Variants in OLFM1 observed in about 807,000 individuals in gnomAD.
OLFM1 encodes noelin.
Under a neutral mutation model 49.7 loss-of-function variants are expected in OLFM1, and 9 were observed. That is an observed-to-expected ratio of 0.18 (90% CI 0.11 to 0.32). The LOEUF is 0.32. Among genes scored for constraint, OLFM1 ranks in the 10% least tolerant of loss-of-function variants. The pLI, the probability that OLFM1 is intolerant of heterozygous loss-of-function variation, is 1.00. For missense variants in OLFM1, 369 were observed against 661.8 expected, an observed-to-expected ratio of 0.56 and a Z score of 4.85; for synonymous variants, 240 against 271.8, an observed-to-expected ratio of 0.88 and a Z score of 1.15.
At chr9:135,076,018 C>A (rs1830460252) in intron 1 of OLFM1, 8 of 1,445,302 alleles carry the variant, frequency 5.5e-6, no homozygotes, top group South Asian at 1.5e-5. Flanking sequence ...TCCTCCAGCC[C>A]CGGCTCAGCA....
At chr9:135,091,854 G>GTC (rs1296937446) in intron 2 of OLFM1, among the ~76,000 whole-genome samples, 6 of 54,528 alleles carry the variant, frequency 1.1e-4, no homozygotes, top group Middle Eastern at 0.029. Flanking sequence ...CTCACACATA[G>GTC]TCACACACAC....
At chr9:135,115,468 C>T (rs1429874708) in intron 5 of OLFM1, among the ~76,000 whole-genome samples, 14 of 152,232 alleles carry the variant, frequency 9.2e-5, no homozygotes, top group Admixed American at 7.8e-4. Flanking sequence ...GGAAATGGGC[C>T]GTTTACCTGG....
rs1033215762 is a variant in OLFM1 at position 135,113,538 on chromosome 9, C to T, written c.784-5966C>T. Among the ~76,000 whole-genome samples, 3 of 152,186 alleles carry T rather than the reference C, an allele frequency of 2.0e-5. No homozygotes were observed. Among genetic ancestry groups the T allele is most frequent in the African/African-American group, 7.2e-5 (3 of 41,440 alleles). On this transcript the variant is annotated intron_variant, in intron 5 of 5. Transcript: ENST00000371793. This position sits in a 1 kb window ranked among gnomAD's most constrained non-coding sequence, Gnocchi z 4.0. The stretch of plus-strand genomic sequence containing the variant: ...GAGGCACAGAGAGGGGTGGAAACTC[C>T]CCAGGTCTCGCTGGAGACTGGCGGT...
intron 1 of OLFM1, chr9:135,076,971 G>T: frequency 3.2e-6 from 5 of 1,550,626 alleles, no homozygotes; most frequent in Non-Finnish European, 4.4e-6. Flanking sequence ...CAATCCAGCA[G>T]TGGGGTTATG....
chr9:135,084,241 A>G (rs664259), upstream of OLFM1, among the ~76,000 whole-genome samples: 63,555 of 152,052 alleles, frequency 0.42, 14,006 homozygotes, highest in Middle Eastern at 0.5. The surrounding 1 kb of genome is among the most constrained non-coding windows in gnomAD (Gnocchi z 4.6). Context: ...CAACGTAGAA[A>G]AAGGAGAGGT....
rs576642359 is a variant in OLFM1 at position 135,117,290 on chromosome 9, A to C, written c.784-2214A>C. Among the ~76,000 whole-genome samples the C allele has an allele frequency of 6.6e-6, 1 of 152,260 alleles. No homozygotes were observed. The highest frequency in any genetic ancestry group is 2.1e-4 in the South Asian group (1 of 4,812). ...TATCTTGGTTGCTTTCGACAACCAG[A>C]GGCTTCTTCAAAGCCCATATTCTTC... On this transcript the variant is annotated intron_variant, in intron 5 of 5. Coordinates refer to ENST00000371793, the MANE Select transcript of OLFM1 (RefSeq NM_001282611.2). This position sits in a 1 kb window ranked among gnomAD's most constrained non-coding sequence, Gnocchi z 5.5.
upstream of OLFM1, chr9:135,087,651 C>A (rs1830616269): frequency 2.7e-5 from 14 of 523,020 alleles, no homozygotes; most frequent in Non-Finnish European, 3.7e-5. Flanking sequence ...CCCCCGCGCG[C>A]AGCCCGCGCA....
chr9:135,085,029 A>T (rs1830580063), upstream of OLFM1, among the ~76,000 whole-genome samples: 1 of 152,134 alleles, frequency 6.6e-6, no homozygotes. Context: ...GCGTCTTCTG[A>T]GCTCTGAAGC....
chr9:135,088,588 C>T lies in OLFM1; in HGVS notation c.150+449C>T, dbSNP rs1313766023. Among the ~76,000 whole-genome samples, 1 of 152,022 alleles carries T rather than the reference C, an allele frequency of 6.6e-6. No individual in the cohort carries two copies. The highest frequency in any genetic ancestry group is 1.5e-5 in the Non-Finnish European group (1 of 67,972). Reference sequence around the variant, plus strand: ...TGGGCTCGGTCCAGCGGGGACTGAGCCCGCCCTAGTTTGTAAAAGCCAGAC... The same window carrying T: ...TGGGCTCGGTCCAGCGGGGACTGAGTCCGCCCTAGTTTGTAAAAGCCAGAC... On this transcript the variant is annotated intron_variant, in intron 1 of 5. Transcript: ENST00000371793. This position sits in a 1 kb window ranked among gnomAD's most constrained non-coding sequence, Gnocchi z 4.8.
At chr9:135,109,092 T>G (rs765231686) in intron 5 of OLFM1, among the ~76,000 whole-genome samples, 9 of 152,134 alleles carry the variant, frequency 5.9e-5, no homozygotes, top group Admixed American at 3.3e-4. Flanking sequence ...GACTGCTCTG[T>G]CTGTATCTAA....
chr9:135,097,828 G>A (rs776383234), intron 3 of OLFM1: 14 of 1,613,122 alleles, frequency 8.7e-6, no homozygotes, highest in Non-Finnish European at 1.2e-5. Flanking sequence ...TGAAGAAGCA[G>A]TCCACTCCCA....
exon 1 of OLFM1, chr9:135,075,745 G>T (rs968319848): frequency 1.2e-6 from 2 of 1,605,642 alleles, no homozygotes; most frequent in Admixed American, 1.7e-5. Context: ...ACATGCACCC[G>T]GCCCGGAAGC....
rs552994527 is a variant in OLFM1, at chr9:135,098,824, C to T, written c.676+319C>T. On this transcript the variant is annotated intron_variant, in intron 4 of 5. Coordinates refer to ENST00000371793, the MANE Select transcript of OLFM1 (RefSeq NM_001282611.2). This position sits in a 1 kb window ranked among gnomAD's most constrained non-coding sequence, Gnocchi z 5.6. ...CGTATGTGTGTGTGCATTGAAGACA[C>T]CAGTTTAATAGGGCTGGCAATAACA... Among the ~76,000 whole-genome samples, 19 of 152,322 alleles carry T rather than the reference C, an allele frequency of 1.2e-4. No individual in the cohort carries two copies. The highest frequency in any genetic ancestry group is 4.6e-4 in the African/African-American group (19 of 41,562).
chr9:135,082,001 TC>T (rs1271765010), intron 1 of OLFM1, among the ~76,000 whole-genome samples: 1 of 152,218 alleles, frequency 6.6e-6, no homozygotes, highest in Non-Finnish European at 1.5e-5. Flanking sequence ...GGAGAAGGTT[TC>T]CTGTCCCTGC....
chr9:135,087,473 C>G, upstream of OLFM1: 1 of 1,521,292 alleles, frequency 6.6e-7, no homozygotes. Flanking sequence ...GGTGGTGTGT[C>G]CGTCTCCTCA....
chr9:135,088,791 G>A lies in OLFM1; in HGVS notation c.150+652G>A, dbSNP rs547935932. Among the ~76,000 whole-genome samples the A allele has an allele frequency of 1.3e-4, 20 of 152,136 alleles. No homozygotes were observed. Among genetic ancestry groups the A allele is most frequent in the Non-Finnish European group, 2.8e-4 (19 of 68,010 alleles). On this transcript the variant is annotated intron_variant, in intron 1 of 5. Coordinates refer to ENST00000371793, the MANE Select transcript of OLFM1 (RefSeq NM_001282611.2). This position sits in a 1 kb window ranked among gnomAD's most constrained non-coding sequence, Gnocchi z 4.8. ...TGGGGCCCCTGGGAGCCTGCCCTTG[G>A]GCGCTCACCCCCTCGCCTTTGCCTT...
chr9:135,092,192 C>T (rs1258494472), intron 2 of OLFM1, among the ~76,000 whole-genome samples: 2 of 152,154 alleles, frequency 1.3e-5, no homozygotes, highest in Admixed American at 6.5e-5. Flanking sequence ...TCAGGAAGCT[C>T]GAGACAAAGC....
At chr9:135,109,183 G>C (rs537418269) in intron 5 of OLFM1, among the ~76,000 whole-genome samples, 1 of 152,314 alleles carries the variant, frequency 6.6e-6, no homozygotes, top group Non-Finnish European at 1.5e-5. Context: ...AACGCCACAC[G>C]TGTGTGCCTC....
intron 4 of OLFM1, 82 bp from the exon 5 acceptor site, chr9:135,106,667 G>C: frequency 9.7e-7 from 1 of 1,029,856 alleles, no homozygotes; most frequent in Non-Finnish European, 1.5e-6. Context: ...TGGCACGTGT[G>C]CTCTGGGCAG....
Sources: allele counts gnomAD v4.1 joint callset (sites outside exome capture counted in the v4.1 genomes callset), GRCh38; gene constraint gnomAD v4.1.1; non-coding constraint Gnocchi (gnomAD v3.1); transcripts MANE v1.5; gene names NCBI Gene and HGNC (gene_info 2026-07-23, HGNC 2026-07-21).